Variants in RBMS1 observed in about 807,000 individuals in gnomAD.
The protein encoded by RBMS1 is RNA binding motif single stranded interacting protein 1, also known as RNA-binding motif, single-stranded-interacting protein 1.
In RBMS1, 17 loss-of-function variants were observed where a neutral mutation model predicts 62.3. The observed-to-expected ratio is 0.27, with a 90% CI of 0.19 to 0.41. The LOEUF (loss-of-function observed/expected upper bound fraction) is 0.41. Among genes scored for constraint, RBMS1 ranks in the 10% least tolerant of loss-of-function variants. RBMS1 has a pLI of 1.00. For missense variants in RBMS1, 334 were observed against 504.5 expected, an observed-to-expected ratio of 0.66 and a Z score of 3.24; for synonymous variants, 172 against 170.0, an observed-to-expected ratio of 1.01 and a Z score of -0.09.
intron 1 of RBMS1, among the ~76,000 whole-genome samples, chr2:160,410,085 A>G (rs1276033497): frequency 6.6e-6 from 1 of 151,130 alleles, no homozygotes; most frequent in Non-Finnish European, 1.5e-5. Context: ...AGCCGGGCAT[A>G]GTGGCGGGCG....
intron 1 of RBMS1, among the ~76,000 whole-genome samples, chr2:160,450,582 A>AG (rs1683939155): frequency 6.6e-6 from 1 of 150,502 alleles, no homozygotes; most frequent in East Asian, 1.9e-4. Context: ...AAAAAAAACA[A>AG]AAAACATTAA....
At chr2:160,491,050 CT>C (rs60306775) in intron 1 of RBMS1, among the ~76,000 whole-genome samples, 95 of 145,600 alleles carry the variant, frequency 6.5e-4, no homozygotes, top group African/African-American at 1.5e-3. Flanking sequence ...AAATCAAAGT[CT>C]TTTTTTTTTT....
chr2:160,338,756 C>G (rs1460134358), intron 2 of RBMS1, among the ~76,000 whole-genome samples: 1 of 151,994 alleles, frequency 6.6e-6, no homozygotes, highest in South Asian at 2.1e-4. Context: ...CTTAAAAGTT[C>G]AAAAAAGAAA....
chr2:160,439,104 C>A (rs1442935136), intron 1 of RBMS1, among the ~76,000 whole-genome samples: 2 of 149,782 alleles, frequency 1.3e-5, no homozygotes, highest in East Asian at 4.1e-4. Flanking sequence ...GGCAGAGGCA[C>A]CCCTCACCTG....
intron 2 of RBMS1, among the ~76,000 whole-genome samples, chr2:160,335,054 G>A (rs1691492914): frequency 6.6e-6 from 1 of 152,012 alleles, no homozygotes; most frequent in Admixed American, 6.5e-5. Context: ...CCCTGCAGAA[G>A]AAAGAGGATG....
rs777584252 is a variant in RBMS1, at chr2:160,277,308, C to T, written c.1138G>A (p.Val380Ile). Residue 380 changes from valine (V) to isoleucine (I), a missense_variant, in exon 12 of 14, where the codon GTT (valine) becomes ATT (isoleucine). Physicochemically the swap from Val to Ile is conservative, Grantham distance 29. This residue lies in a region of RBMS1 where 182 missense variants were observed against 257.7 expected (regional missense o/e 0.71). Coordinates refer to ENST00000348849, the MANE Select transcript of RBMS1 (RefSeq NM_016836.4). ...YAHMQTTAVPVEEASGQQQVA... is the reference protein window; with the variant it reads ...YAHMQTTAVPIEEASGQQQVA... ...ACTGGATGGTCTCTACCAACCTCAA[C>T]AGGAACCGCTGTCGTCTGCATATGT... The T allele has an allele frequency of 3.7e-6, 6 of 1,610,294 alleles. No homozygotes were observed. The East Asian group carries it at 8.9e-5, about 24-fold the overall frequency.
chr2:160,281,722 G>A (rs1227505221), intron 9 of RBMS1: 5 of 193,654 alleles, frequency 2.6e-5, no homozygotes, highest in Admixed American at 1.7e-4. Flanking sequence ...AACAATCAAG[G>A]TATGAACTAG....
At chr2:160,401,798 G>A (rs946253515) in intron 1 of RBMS1, among the ~76,000 whole-genome samples, 12 of 152,148 alleles carry the variant, frequency 7.9e-5, no homozygotes, top group Non-Finnish European at 1.5e-4. Flanking sequence ...ATGAAATAAA[G>A]AAGAAAGGAT....
chr2:160,354,610 A>G (rs1354464471), intron 2 of RBMS1, among the ~76,000 whole-genome samples: 4 of 152,154 alleles, frequency 2.6e-5, no homozygotes, highest in African/African-American at 9.6e-5. Context: ...TCTTTAAAGA[A>G]CTAGTCCTTA....
intron 1 of RBMS1, among the ~76,000 whole-genome samples, chr2:160,474,974 G>A (rs941533818): frequency 1.3e-5 from 2 of 151,904 alleles, no homozygotes; most frequent in African/African-American, 4.8e-5. Flanking sequence ...GTTTTTTTCA[G>A]GTTATGGACT....
intron 6 of RBMS1, among the ~76,000 whole-genome samples, chr2:160,297,814 A>G (rs147986838): frequency 1.3e-4 from 20 of 152,346 alleles, no homozygotes; most frequent in East Asian, 3.9e-4. Flanking sequence ...TTGTAGTTCA[A>G]TGTTGGAGGA....
intron 1 of RBMS1, among the ~76,000 whole-genome samples, chr2:160,430,924 A>G (rs1272051488): frequency 1.3e-5 from 2 of 151,708 alleles, no homozygotes; most frequent in Non-Finnish European, 2.9e-5. Flanking sequence ...GCTTAGCACC[A>G]GGTCCTTTGC....
intron 2 of RBMS1, among the ~76,000 whole-genome samples, chr2:160,336,134 T>C (rs936650694): frequency 3.9e-5 from 6 of 151,968 alleles, no homozygotes; most frequent in Non-Finnish European, 7.4e-5. Context: ...AAGTGAAAAA[T>C]CCCAGGTCAG....
chr2:160,489,775 T>TA (rs1280363716), intron 1 of RBMS1, among the ~76,000 whole-genome samples: 8 of 152,154 alleles, frequency 5.3e-5, no homozygotes, highest in African/African-American at 1.9e-4. Flanking sequence ...CACAAAAACT[T>TA]AAAAAAATCA....
At chr2:160,383,839 G>C (rs1694422529) in intron 1 of RBMS1, among the ~76,000 whole-genome samples, 1 of 152,172 alleles carries the variant, frequency 6.6e-6, no homozygotes, top group South Asian at 2.1e-4. Context: ...AGGTCATCTT[G>C]TCCAGTCTCA....
intron 6 of RBMS1, among the ~76,000 whole-genome samples, chr2:160,292,012 T>C (rs1688704793): frequency 6.6e-6 from 1 of 152,228 alleles, no homozygotes; most frequent in South Asian, 2.1e-4. Flanking sequence ...TGTGGGTCCT[T>C]CTCTACCTTG....
At chr2:160,477,566 C>CT (rs953979642) in intron 1 of RBMS1, among the ~76,000 whole-genome samples, 43 of 145,560 alleles carry the variant, frequency 3.0e-4, no homozygotes, top group African/African-American at 4.3e-4. Context: ...CCATGCCTGG[C>CT]TTTTTTTTTT....
intron 1 of RBMS1, among the ~76,000 whole-genome samples, chr2:160,418,116 T>C (rs1696277484): frequency 6.6e-6 from 1 of 152,192 alleles, no homozygotes; most frequent in Non-Finnish European, 1.5e-5. Flanking sequence ...TCTATAGATA[T>C]TTATCAGACT....
intron 1 of RBMS1, among the ~76,000 whole-genome samples, chr2:160,370,009 C>G (rs1362714531): frequency 6.6e-6 from 1 of 152,102 alleles, no homozygotes; most frequent in African/African-American, 2.4e-5. Context: ...TCCATATTTA[C>G]TGCAGTATTT....
Sources: gnomAD v4.1 joint callset for allele counts (sites outside exome capture counted in the v4.1 genomes callset) on GRCh38, gnomAD v4.1.1 for gene constraint, gnomAD v4.1.1 regional missense constraint, MANE v1.5 for transcripts, NCBI Gene and HGNC (gene_info 2026-07-23, HGNC 2026-07-21) for gene names.